TMEM232: variants seen among roughly 807,000 people sequenced by gnomAD.
TMEM232 encodes transmembrane protein 232.
In TMEM232, 80 loss-of-function variants were observed where a neutral mutation model predicts 78.8. That is an observed-to-expected ratio of 1.01 (90% CI 0.85 to 1.22). The LOEUF is 1.22. Among genes scored for constraint, TMEM232 ranks in the 50% most tolerant of loss-of-function variants. TMEM232 has a pLI of 0.00. For missense variants in TMEM232, 881 were observed against 742.2 expected, an observed-to-expected ratio of 1.19 and a Z score of -2.17; for synonymous variants, 297 against 254.3, an observed-to-expected ratio of 1.17 and a Z score of -1.60.
At chr5:110,569,844 G>C (rs1776742269) in intron 10 of TMEM232, among the ~76,000 whole-genome samples, 1 of 151,882 alleles carries the variant, frequency 6.6e-6, no homozygotes, top group South Asian at 2.1e-4. Flanking sequence ...ATATAAACTT[G>C]AACTTGCTTA....
intron 10 of TMEM232, among the ~76,000 whole-genome samples, chr5:110,586,372 A>T (rs1004263031): frequency 1.3e-5 from 2 of 151,900 alleles, no homozygotes; most frequent in Admixed American, 1.3e-4. Flanking sequence ...ACTGTGCTCT[A>T]TTTTCTCCTA....
At chr5:110,496,674 G>A (rs1223374007) in intron 12 of TMEM232, among the ~76,000 whole-genome samples, 1 of 151,950 alleles carries the variant, frequency 6.6e-6, no homozygotes, top group African/African-American at 2.4e-5. Flanking sequence ...GGCTCATAAG[G>A]AGAAACAGAT....
intron 10 of TMEM232, among the ~76,000 whole-genome samples, chr5:110,594,405 G>T (rs1779900563): frequency 6.6e-6 from 1 of 152,094 alleles, no homozygotes; most frequent in Admixed American, 6.5e-5. Context: ...TGAGCTAGCT[G>T]CAGGAGTTTT....
At chr5:110,627,089 T>G (rs1784511371) in intron 6 of TMEM232, among the ~76,000 whole-genome samples, 1 of 152,044 alleles carries the variant, frequency 6.6e-6, no homozygotes, top group African/African-American at 2.4e-5. Flanking sequence ...CTGAGTGACC[T>G]TCAAATTCAA....
chr5:110,726,108 TCACACACACA>T (rs3985014), intron 1 of TMEM232, among the ~76,000 whole-genome samples: 4 of 144,550 alleles, frequency 2.8e-5, no homozygotes, highest in Non-Finnish European at 6.1e-5. Context: ...CCTCTCTCTT[TCACACACACA>T]CACACACACA....
At chr5:110,595,873 C>G (rs1331187524) in intron 10 of TMEM232, among the ~76,000 whole-genome samples, 1 of 152,122 alleles carries the variant, frequency 6.6e-6, no homozygotes, top group Non-Finnish European at 1.5e-5. Flanking sequence ...TCCGGAAGAA[C>G]TTCCCCAACC....
At chr5:110,549,086 T>C (rs1446847877) in intron 11 of TMEM232, among the ~76,000 whole-genome samples, 1 of 152,038 alleles carries the variant, frequency 6.6e-6, no homozygotes, top group East Asian at 1.9e-4. Flanking sequence ...AAATATTGCT[T>C]ATCACACTTT....
chr5:110,455,614 G>A (rs753908767), intron 12 of TMEM232, among the ~76,000 whole-genome samples: 1 of 151,910 alleles, frequency 6.6e-6, no homozygotes, highest in African/African-American at 2.4e-5. Context: ...TCCTGACCTC[G>A]TTATCCACCC....
chr5:110,494,123 C>A (rs1244862054), intron 12 of TMEM232, among the ~76,000 whole-genome samples: 1 of 152,016 alleles, frequency 6.6e-6, no homozygotes, highest in Non-Finnish European at 1.5e-5. Flanking sequence ...GCATAGTATT[C>A]CATGGTATAT....
intron 12 of TMEM232, among the ~76,000 whole-genome samples, chr5:110,451,226 T>C (rs1478320575): frequency 8.0e-6 from 1 of 124,420 alleles, no homozygotes; most frequent in Non-Finnish European, 1.5e-5. Context: ...TGGCATGTAA[T>C]TCATATTTTG....
intron 12 of TMEM232, among the ~76,000 whole-genome samples, chr5:110,467,923 TG>T (rs1762259582): frequency 7.0e-6 from 1 of 143,488 alleles, no homozygotes; most frequent in Non-Finnish European, 1.5e-5. Context: ...TCTTTGGCTT[TG>T]GGTGCATCAC....
chr5:110,458,273 T>G (rs574294447), intron 12 of TMEM232, among the ~76,000 whole-genome samples: 7 of 152,100 alleles, frequency 4.6e-5, no homozygotes, highest in African/African-American at 1.4e-4. Context: ...TTTGTCATCT[T>G]TTTTTTGTTT....
intron 3 of TMEM232, 130 bp from the exon 4 acceptor site, chr5:110,641,126 C>A (rs1786637644): frequency 1.9e-6 from 1 of 515,166 alleles, no homozygotes; most frequent in Non-Finnish European, 3.1e-6. Flanking sequence ...GAGTTGTATA[C>A]AATTTTATAT....
intron 2 of TMEM232, among the ~76,000 whole-genome samples, chr5:110,655,194 A>C (rs1176089051): frequency 8.6e-5 from 13 of 151,894 alleles, no homozygotes; most frequent in Admixed American, 2.0e-4. Context: ...CAATGAACTG[A>C]AACAAATTTA....
chr5:110,692,078 G>A (rs888153285), intron 1 of TMEM232, among the ~76,000 whole-genome samples: 6 of 152,054 alleles, frequency 3.9e-5, no homozygotes, highest in South Asian at 2.1e-4. Flanking sequence ...CCGCCACCAC[G>A]CTCGGCTAAT....
chr5:110,599,551 A>G (rs1177973667), intron 10 of TMEM232, among the ~76,000 whole-genome samples: 1 of 152,180 alleles, frequency 6.6e-6, no homozygotes, highest in Admixed American at 6.5e-5. Context: ...TTAAGCCAAC[A>G]AAGATAAAAA....
intron 12 of TMEM232, among the ~76,000 whole-genome samples, chr5:110,504,479 T>G (rs1472312189): frequency 1.3e-5 from 2 of 152,132 alleles, no homozygotes; most frequent in African/African-American, 4.8e-5. Context: ...TAAACAAACA[T>G]GTATATACAT....
At chr5:110,723,616 A>G (rs1053121575) in intron 1 of TMEM232, among the ~76,000 whole-genome samples, 1 of 152,138 alleles carries the variant, frequency 6.6e-6, no homozygotes, top group Non-Finnish European at 1.5e-5. Flanking sequence ...CCCTATATAC[A>G]TTATCATCTA....
At chr5:110,446,261 A>T (rs1216108304) in intron 12 of TMEM232, among the ~76,000 whole-genome samples, 2 of 152,190 alleles carry the variant, frequency 1.3e-5, no homozygotes, top group African/African-American at 4.8e-5. Context: ...TGAGTGTTCC[A>T]TATGAAGTCT....
Sources: gnomAD v4.1 joint callset for allele counts (sites outside exome capture counted in the v4.1 genomes callset) on GRCh38, gnomAD v4.1.1 for gene constraint, MANE v1.5 for transcripts, NCBI Gene and HGNC (gene_info 2026-07-23, HGNC 2026-07-21) for gene names.